The following SLC8A1 variants were observed in gnomAD, a reference collection of about 807,000 sequenced individuals.
SLC8A1 encodes solute carrier family 8 member A1.
Under a neutral mutation model 68.3 loss-of-function variants are expected in SLC8A1, and 18 were observed. The ratio of observed to expected loss-of-function variants is 0.26; its 90% CI spans 0.18 to 0.39. The LOEUF (loss-of-function observed/expected upper bound fraction) is 0.39. Among genes scored for constraint, SLC8A1 ranks in the 10% least tolerant of loss-of-function variants. The pLI is 1.00. For missense variants in SLC8A1, 985 were observed against 1,156.7 expected (o/e 0.85, Z 2.15); for synonymous variants, 475 against 415.5 (o/e 1.14, Z -1.74).
intron 7 of SLC8A1, among the ~76,000 whole-genome samples, chr2:40,117,745 A>C (rs1013517144): frequency 2.6e-5 from 4 of 152,184 alleles, no homozygotes; most frequent in Non-Finnish European, 1.5e-5. Flanking sequence ...TGCTCTGAGC[A>C]TGTATGTAGT....
chr2:40,145,372 T>C (rs1165581663), intron 6 of SLC8A1, among the ~76,000 whole-genome samples: 1 of 152,178 alleles, frequency 6.6e-6, no homozygotes, highest in Non-Finnish European at 1.5e-5. Flanking sequence ...ATCAAACATC[T>C]TGGTTTGCCT....
At chr2:40,135,593 C>CT (rs2040361103) in intron 7 of SLC8A1, among the ~76,000 whole-genome samples, 1 of 152,122 alleles carries the variant, frequency 6.6e-6, no homozygotes, top group African/African-American at 2.4e-5. Flanking sequence ...TGGTATGTGC[C>CT]TGTAGTCCCA....
chr2:40,223,777 TATC>T (rs2058642721), intron 2 of SLC8A1: 1 of 152,064 alleles, frequency 6.6e-6, no homozygotes, highest in Admixed American at 6.6e-5. Context: ...AAATGACAAA[TATC>T]TGATTCACTT....
intron 2 of SLC8A1, among the ~76,000 whole-genome samples, chr2:40,206,397 G>C (rs904724069): frequency 1.3e-5 from 2 of 152,034 alleles, no homozygotes; most frequent in African/African-American, 2.4e-5. Flanking sequence ...AACTCAAAGA[G>C]TGATTGCATT....
chr2:40,284,339 CTATATAAATA>C (rs1559090561), intron 2 of SLC8A1, among the ~76,000 whole-genome samples: 1 of 138,378 alleles, frequency 7.2e-6, no homozygotes, highest in Admixed American at 7.5e-5. Flanking sequence ...ATAGATCTCT[CTATATAAATA>C]TATATAGATA....
At chr2:40,324,027 G>T (rs565355542) in intron 2 of SLC8A1, among the ~76,000 whole-genome samples, 3 of 149,920 alleles carry the variant, frequency 2.0e-5, no homozygotes, top group African/African-American at 7.4e-5. Context: ...CAAGTTAAAG[G>T]TGGGGGGGGG....
At chr2:40,117,658 C>T (rs560606909) in intron 7 of SLC8A1, among the ~76,000 whole-genome samples, 38 of 152,080 alleles carry the variant, frequency 2.5e-4, no homozygotes, top group African/African-American at 8.0e-4. Flanking sequence ...AACTTATTTC[C>T]AAAGCCAGTA....
At chr2:40,237,408 G>C (rs36184451) in intron 2 of SLC8A1, among the ~76,000 whole-genome samples, 23,939 of 151,796 alleles carry the variant, frequency 0.16, 2,359 homozygotes, top group African/African-American at 0.28. Flanking sequence ...AGCTCCTGAG[G>C]CTTCTGCATT....
At chr2:40,175,502 G>GTT (rs778833207) in intron 3 of SLC8A1, among the ~76,000 whole-genome samples, 1 of 113,420 alleles carries the variant, frequency 8.8e-6, no homozygotes, top group Non-Finnish European at 2.3e-5. Context: ...GAATACATAC[G>GTT]TATATGTGTG....
At chr2:40,355,057 G>A (rs756201555) in intron 2 of SLC8A1, among the ~76,000 whole-genome samples, 7 of 152,114 alleles carry the variant, frequency 4.6e-5, no homozygotes, top group Non-Finnish European at 7.4e-5. Flanking sequence ...GGGAAATGCC[G>A]GATGAAATAA....
chr2:40,348,746 T>C (rs542090687), intron 2 of SLC8A1, among the ~76,000 whole-genome samples: 79 of 152,176 alleles, frequency 5.2e-4, no homozygotes, highest in African/African-American at 1.9e-3. Flanking sequence ...TTGCCCTTAA[T>C]GACTCTTGGT....
chr2:40,444,710 T>C (rs1018762262), intron 1 of SLC8A1, among the ~76,000 whole-genome samples: 1 of 152,230 alleles, frequency 6.6e-6, no homozygotes, highest in Admixed American at 6.5e-5. Flanking sequence ...TATTGCATGA[T>C]GTGAAAATTA....
intron 2 of SLC8A1, among the ~76,000 whole-genome samples, chr2:40,339,714 T>C (rs1380123890): frequency 6.6e-6 from 1 of 152,224 alleles, no homozygotes; most frequent in Non-Finnish European, 1.5e-5. Context: ...CAGCTCTTAC[T>C]GATGAATTGA....
chr2:40,260,430 A>T (rs1306084567), intron 2 of SLC8A1, among the ~76,000 whole-genome samples: 1 of 152,110 alleles, frequency 6.6e-6, no homozygotes, highest in East Asian at 1.9e-4. Context: ...TTTTTTTCCC[A>T]TAGGCTTCCA....
intron 7 of SLC8A1, among the ~76,000 whole-genome samples, chr2:40,133,683 G>C (rs2039878577): frequency 7.2e-6 from 1 of 139,616 alleles, no homozygotes; most frequent in Non-Finnish European, 1.5e-5. Flanking sequence ...ATGAAGGCAA[G>C]ACTTAATGGG....
chr2:40,118,556 A>C (rs927434537), intron 7 of SLC8A1: 16 of 150,748 alleles, frequency 1.1e-4, no homozygotes, highest in African/African-American at 3.9e-4. Context: ...GTACTTCATT[A>C]TTAAAAGTTA....
intron 2 of SLC8A1, among the ~76,000 whole-genome samples, chr2:40,412,282 A>T (rs1427918137): frequency 6.6e-6 from 1 of 152,154 alleles, no homozygotes; most frequent in Non-Finnish European, 1.5e-5. Flanking sequence ...ATGGTGTATT[A>T]AGTGTACTTA....
At chr2:40,410,060 A>C (rs1691619707) in intron 2 of SLC8A1, among the ~76,000 whole-genome samples, 1 of 152,154 alleles carries the variant, frequency 6.6e-6, no homozygotes, top group African/African-American at 2.4e-5. Flanking sequence ...AACTTCTGGA[A>C]GCAAATACTA....
At chr2:40,221,510 T>C (rs1487951520) in intron 2 of SLC8A1, among the ~76,000 whole-genome samples, 1 of 152,082 alleles carries the variant, frequency 6.6e-6, no homozygotes, top group African/African-American at 2.4e-5. Context: ...CTATTCAACA[T>C]AGTATTGGAA....
Sources: allele counts gnomAD v4.1 joint callset (sites outside exome capture counted in the v4.1 genomes callset), GRCh38; gene constraint gnomAD v4.1.1; transcripts MANE v1.5; gene names NCBI Gene and HGNC (gene_info 2026-07-23, HGNC 2026-07-21).